Variants in MEGF6 observed in about 807,000 individuals in gnomAD.
The protein encoded by MEGF6 is multiple EGF like domains 6.
In MEGF6, 184 loss-of-function variants were observed where a neutral mutation model predicts 207.1. That is an observed-to-expected ratio of 0.89 (90% CI 0.79 to 1.00). MEGF6 has a LOEUF of 1.00. Among genes scored for constraint, MEGF6 ranks in the 50% least tolerant of loss-of-function variants. The pLI, the probability that MEGF6 is intolerant of heterozygous loss-of-function variation, is 0.00. For missense variants in MEGF6, 2,282 were observed against 2,202.9 expected (o/e 1.04, Z -0.72); for synonymous variants, 1,038 against 910.0 (o/e 1.14, Z -2.53).
In MEGF6 at chr1:3,500,584, C is replaced by G. The variant is rs371852968; in HGVS notation, c.2707+49G>C. The G allele has an allele frequency of 1.3e-4, 203 of 1,519,664 alleles. No homozygotes were observed. The African/African-American group carries it at 2.2e-3, about 16-fold the overall frequency. 94.1% of individuals were successfully genotyped at this position (1,519,664 alleles called of 1,614,324 possible). On this transcript the variant is annotated intron_variant, in intron 21 of 36. Transcript: ENST00000356575. ...GTGTGTGCACGTGTGCATATGTGTGCGTGTGCGCACTCAGGAGGGTGGCAG... is the reference window on the plus strand; with the variant it reads ...GTGTGTGCACGTGTGCATATGTGTGGGTGTGCGCACTCAGGAGGGTGGCAG...
chr1:3,499,253 G>A lies in MEGF6; in HGVS notation c.2979C>T (p.His993=), dbSNP rs1284200715. The A allele has an allele frequency of 2.5e-6, 4 of 1,605,796 alleles. No homozygotes were observed. The South Asian group carries it at 4.5e-5, about 18-fold the overall frequency. ...GPRCAETCPA[H]TYGHNCSQAC... is the part of the protein sequence containing the mutation. ...CCTGGCTGCAATTGTGCCCGTAGGTGTGGGCTGGGCAGGCTGCAGGTGGAG... is the reference window on the plus strand; with the variant it reads ...CCTGGCTGCAATTGTGCCCGTAGGTATGGGCTGGGCAGGCTGCAGGTGGAG... Residue 993 remains histidine (H), a synonymous_variant, in exon 24 of 37, where the codon CAC becomes CAT. Transcript: ENST00000356575.
At chr1:3,515,573 G>C (rs768302664) in intron 5 of MEGF6, 46 bp from the exon 6 acceptor site, 1 of 1,592,234 alleles carries the variant, frequency 6.3e-7, no homozygotes, top group Non-Finnish European at 8.6e-7. Flanking sequence ...AGGATGCCTG[G>C]CCGACAGTCT....
intron 4 of MEGF6, among the ~76,000 whole-genome samples, chr1:3,558,061 C>T (rs1213025842): frequency 6.6e-6 from 1 of 152,158 alleles, no homozygotes; most frequent in African/African-American, 2.4e-5. Flanking sequence ...TCAGCCGGGC[C>T]GGTGGTCACG....
At chr1:3,572,786 CT>C (rs200582662) in intron 4 of MEGF6, among the ~76,000 whole-genome samples, 3 of 142,812 alleles carry the variant, frequency 2.1e-5, no homozygotes, top group African/African-American at 5.2e-5. Flanking sequence ...ATGCTGGGTC[CT>C]TCCTGGGTGT....
chr1:3,618,190 C>T, the MEGF6 span, among the ~76,000 whole-genome samples: 118 of 152,332 alleles, frequency 7.7e-4, no homozygotes, highest in African/African-American at 2.5e-3. The surrounding 1 kb of genome is among the most constrained non-coding windows in gnomAD (Gnocchi z 4.7). Flanking sequence ...TTGTGCAGTG[C>T]AGCCCTTGCA....
intron 4 of MEGF6, among the ~76,000 whole-genome samples, chr1:3,535,889 C>T (rs927598370): frequency 3.9e-5 from 6 of 152,204 alleles, no homozygotes; most frequent in Admixed American, 2.6e-4. Flanking sequence ...CACCCACAGG[C>T]GCCCCTCTGG....
intron 5 of MEGF6, among the ~76,000 whole-genome samples, chr1:3,523,898 C>A (rs1302565764): frequency 6.6e-6 from 1 of 152,250 alleles, no homozygotes; most frequent in Non-Finnish European, 1.5e-5. Flanking sequence ...CAGCCAGGGT[C>A]CTGGGGACCT....
At position 3,507,919 on chromosome 1, in the gene MEGF6, A is replaced by G; in HGVS notation, c.1665T>C (p.Cys555=). ...AGTTCTTCCCAAAGGTGTCCGGAGG[A>G]CAAGCTACAAAGAATGACAGGGAAG... ...GWTGLICNET[C]PPDTFGKNCS... The change falls in exon 14 of 37, where the codon TGT becomes TGC. Residue 555 remains cysteine, a synonymous_variant. Coordinates refer to ENST00000356575, the MANE Select transcript of MEGF6 (RefSeq NM_001409.4). 6.2e-7 allele frequency: 1 copy of G among 1,610,584 alleles called. No homozygotes were observed. The highest frequency in any genetic ancestry group is 8.5e-7 in the Non-Finnish European group (1 of 1,178,134).
intron 4 of MEGF6, among the ~76,000 whole-genome samples, chr1:3,553,826 T>C (rs1411760900): frequency 6.6e-6 from 1 of 152,028 alleles, no homozygotes; most frequent in Non-Finnish European, 1.5e-5. Flanking sequence ...GTGGGCAGCC[T>C]CTCACCCCGC....
At position 3,488,958 on chromosome 1, in the gene MEGF6, C is replaced by T. The variant is rs200298748; in HGVS notation, c.*1570G>A. Among the ~76,000 whole-genome samples, 3 of 152,200 alleles carry T rather than the reference C, an allele frequency of 2.0e-5. No individual in the cohort carries two copies. The East Asian group carries it at 5.8e-4, about 29-fold the overall frequency. ...TGGATGTGAATGAACACCTCCCTTA[C>T]CCATTTCCATTCATCTATCTCTGTA... On this transcript the variant is annotated 3_prime_UTR_variant, in exon 37 of 37. Coordinates refer to ENST00000356575, the MANE Select transcript of MEGF6 (RefSeq NM_001409.4).
rs371393990 is a variant in MEGF6 at position 3,517,180 on chromosome 1, G to C, written c.605-1653C>G. On this transcript the variant is annotated intron_variant, in intron 5 of 36. Transcript: ENST00000356575. ...TAGGAAACAGACCCCCTCCTGGCAGGGCCAGGCAGGCACAGGGGGCACAGA... is the reference window on the plus strand; with the variant it reads ...TAGGAAACAGACCCCCTCCTGGCAGCGCCAGGCAGGCACAGGGGGCACAGA... Among the ~76,000 whole-genome samples, 5 of 152,202 alleles carry C rather than the reference G, an allele frequency of 3.3e-5. No individual in the cohort carries two copies. In the East Asian group the frequency reaches 5.8e-4, roughly 18 times the overall value.
intron 4 of MEGF6, among the ~76,000 whole-genome samples, chr1:3,572,725 G>A (rs1294208573): frequency 1.3e-5 from 2 of 149,728 alleles, no homozygotes; most frequent in Admixed American, 1.3e-4. Context: ...GGTATGCTGG[G>A]TTCTCTCAGG....
intron 32 of MEGF6, 118 bp from the exon 33 acceptor site, chr1:3,494,242 C>T: frequency 5.5e-6 from 8 of 1,467,862 alleles, no homozygotes; most frequent in Non-Finnish European, 7.2e-6. Context: ...CCTGCCCGTC[C>T]TCGTCCCTCC....
At chr1:3,509,468 C>G (rs1266648347) in intron 11 of MEGF6, among the ~76,000 whole-genome samples, 2 of 152,192 alleles carry the variant, frequency 1.3e-5, no homozygotes, top group East Asian at 1.9e-4. Context: ...GGACCTGAAC[C>G]CGGCCCCTCT....
In MEGF6 at chr1:3,560,630, G is replaced by A. The variant is rs1643171548; in HGVS notation, c.481+19195C>T. ...GCTCCATAGGCAGGGAAAGGCTCTG[G>A]GGATCCGGGGTCCCTTCCCAGGCTT... On this transcript the variant is annotated intron_variant, in intron 4 of 36. Coordinates refer to ENST00000356575, the MANE Select transcript of MEGF6 (RefSeq NM_001409.4). This position sits in a 1 kb window ranked among gnomAD's most constrained non-coding sequence, Gnocchi z 4.0. 2.3e-6 allele frequency: 1 copy of A among 428,598 alleles called. No homozygotes were observed. The highest frequency in any genetic ancestry group is 2.1e-5 in the African/African-American group (1 of 47,952). The allele number at this position is 428,598 out of a possible 1,614,324, so 26.5% of individuals were successfully genotyped here.
chr1:3,506,234 A>G lies in MEGF6; in HGVS notation c.1792T>C (p.Cys598Arg). 1.2e-6 allele frequency: 2 copies of G among 1,608,662 alleles called. No individual in the cohort carries two copies. Among genetic ancestry groups the G allele is most frequent in the Non-Finnish European group, 1.7e-6 (2 of 1,178,256 alleles). Reference sequence around the variant, plus strand: ...TGCTTGCCATAGTAGCCCTTGGGGCAGCCTGGGGGCAGCGGGGCTCCATGT... The same window carrying G: ...TGCTTGCCATAGTAGCCCTTGGGGCGGCCTGGGGGCAGCGGGGCTCCATGT... Reference protein sequence around the residue: ...GVSGTNCEDGCPKGYYGKHCR... With the variant: ...GVSGTNCEDGRPKGYYGKHCR... The change falls in exon 15 of 37, where the codon TGC (cysteine) becomes CGC (arginine). Residue 598 changes from cysteine to arginine, a missense_variant and splice_region_variant. Physicochemically the swap from Cys to Arg is radical, Grantham distance 180. Coordinates refer to ENST00000356575, the MANE Select transcript of MEGF6 (RefSeq NM_001409.4).
intron 24 of MEGF6, 83 bp from the exon 25 acceptor site, chr1:3,498,909 G>A: frequency 6.6e-7 from 1 of 1,508,576 alleles, no homozygotes; most frequent in Non-Finnish European, 8.9e-7. Context: ...GCCCCATGTT[G>A]GACTTTGGGG....
Position 3,611,381 on chromosome 1 carries a change from T to C in MEGF6, c.-113A>G. ...CGCAGCCACAGGTGCCCGCGCCCGCTCCGCGGAGCCCAAGGTCGCTGCAGG... is the reference window on the plus strand; with the variant it reads ...CGCAGCCACAGGTGCCCGCGCCCGCCCCGCGGAGCCCAAGGTCGCTGCAGG... On this transcript the variant is annotated 5_prime_UTR_variant, in exon 1 of 37. Coordinates refer to ENST00000356575, the MANE Select transcript of MEGF6 (RefSeq NM_001409.4). The C allele has an allele frequency of 7.7e-7, 1 of 1,299,554 alleles. No individual in the cohort carries two copies. Among genetic ancestry groups the C allele is most frequent in the South Asian group, 2.0e-5 (1 of 49,712 alleles). 80.5% of individuals were successfully genotyped at this position (1,299,554 alleles called of 1,614,324 possible).
At position 3,556,784 on chromosome 1, in the gene MEGF6, C is replaced by G. The variant is rs1312560858; in HGVS notation, c.481+23041G>C. 6.6e-6 allele frequency among the ~76,000 whole-genome samples: 1 copy of G among 152,186 alleles called. No homozygotes were observed. The highest frequency in any genetic ancestry group is 2.1e-4 in the South Asian group (1 of 4,826). On this transcript the variant is annotated intron_variant, in intron 4 of 36. Coordinates refer to ENST00000356575, the MANE Select transcript of MEGF6 (RefSeq NM_001409.4). This position sits in a 1 kb window ranked among gnomAD's most constrained non-coding sequence, Gnocchi z 4.4. The stretch of plus-strand genomic sequence containing the variant: ...ACACAAGGATGCAGGTACTTCACGT[C>G]CCTGTCCCAACCACACGCGCTCACA...
Sources: gnomAD v4.1 joint callset for allele counts (sites outside exome capture counted in the v4.1 genomes callset) on GRCh38, gnomAD v4.1.1 for gene constraint, Gnocchi (gnomAD v3.1) non-coding constraint, MANE v1.5 for transcripts, NCBI Gene and HGNC (gene_info 2026-07-23, HGNC 2026-07-21) for gene names.